RSU1: variants seen among roughly 807,000 people sequenced by gnomAD.
RSU1 encodes the protein Ras suppressor protein 1.
In RSU1, 26 loss-of-function variants were observed where a neutral mutation model predicts 31.1. The ratio of observed to expected loss-of-function variants is 0.84; its 90% CI spans 0.61 to 1.16. The LOEUF (loss-of-function observed/expected upper bound fraction) is 1.16, where lower values mean the gene tolerates loss of function less well. Ranked by LOEUF, RSU1 falls within the 50% of genes most tolerant of loss-of-function variation. The pLI, the probability that RSU1 is intolerant of heterozygous loss-of-function variation, is 0.00. For missense variants in RSU1, 320 were observed against 339.1 expected (o/e 0.94, Z 0.44); for synonymous variants, 164 against 136.3 (o/e 1.20, Z -1.41).
At chr10:16,809,419 T>C (rs568691748) in intron 2 of RSU1, among the ~76,000 whole-genome samples, 9 of 152,174 alleles carry the variant, frequency 5.9e-5, no homozygotes, top group Non-Finnish European at 8.8e-5. Flanking sequence ...CGAATGAAGG[T>C]GGAAGAACTG....
At chr10:16,666,677 A>C (rs750673149) in intron 8 of RSU1, among the ~76,000 whole-genome samples, 1 of 152,080 alleles carries the variant, frequency 6.6e-6, no homozygotes. Flanking sequence ...CAGCCACCTT[A>C]AACTCAGGGT....
At chr10:16,717,711 T>C (rs1168242703) in intron 7 of RSU1, among the ~76,000 whole-genome samples, 1 of 152,188 alleles carries the variant, frequency 6.6e-6, no homozygotes, top group African/African-American at 2.4e-5. Flanking sequence ...ACATAAACTG[T>C]TGTACTTCAA....
At chr10:16,637,967 C>T (rs1296221125) in intron 8 of RSU1, among the ~76,000 whole-genome samples, 1 of 151,940 alleles carries the variant, frequency 6.6e-6, no homozygotes, top group Non-Finnish European at 1.5e-5. Context: ...CCAAAAAGAC[C>T]AAAGGAGAAA....
At chr10:16,648,199 C>G (rs1274222445) in intron 8 of RSU1, among the ~76,000 whole-genome samples, 2 of 151,334 alleles carry the variant, frequency 1.3e-5, no homozygotes, top group Non-Finnish European at 2.9e-5. Context: ...CTCCTGGGCT[C>G]AAGCCATCCT....
At chr10:16,716,760 G>A (rs970584425) in intron 7 of RSU1, among the ~76,000 whole-genome samples, 3 of 152,108 alleles carry the variant, frequency 2.0e-5, no homozygotes, top group African/African-American at 7.2e-5. Context: ...GAAGTTTGGA[G>A]GGTATGAAGC....
chr10:16,722,567 GAGA>G (rs1431432114), intron 7 of RSU1, among the ~76,000 whole-genome samples: 1 of 152,132 alleles, frequency 6.6e-6, no homozygotes. Flanking sequence ...GGTATCAGGT[GAGA>G]GGTCTAGCTA....
chr10:16,801,738 GA>G (rs1020470259), intron 2 of RSU1, among the ~76,000 whole-genome samples: 1 of 151,858 alleles, frequency 6.6e-6, no homozygotes, highest in Non-Finnish European at 1.5e-5. Flanking sequence ...AAAGATAGCT[GA>G]AAAATCCCAA....
Position 16,602,073 on chromosome 10 carries a change from G to A in RSU1, c.732-8577C>T, listed in dbSNP as rs976783268. Among the ~76,000 whole-genome samples, 17 of 152,126 alleles carry A rather than the reference G, an allele frequency of 1.1e-4. 1 individual carries two copies. Among genetic ancestry groups the A allele is most frequent in the Admixed American group, 5.9e-4 (9 of 15,272 alleles). ...GTTTTTGTTGTTGTTGCTTATCTGT[G>A]TTATTACTGCCAGGAATGCCTGCTT... On this transcript the variant is annotated intron_variant, in intron 8 of 8. Coordinates refer to ENST00000345264, the MANE Select transcript of RSU1 (RefSeq NM_012425.4).
chr10:16,742,097 C>A (rs1285056581), intron 7 of RSU1, among the ~76,000 whole-genome samples: 3 of 152,028 alleles, frequency 2.0e-5, no homozygotes, highest in African/African-American at 7.2e-5. Context: ...ATATAAAAGG[C>A]AACAGAGAGT....
chr10:16,784,942 C>G (rs1262331473), intron 2 of RSU1, among the ~76,000 whole-genome samples: 2 of 152,066 alleles, frequency 1.3e-5, no homozygotes, highest in African/African-American at 2.4e-5. Flanking sequence ...GGAGGAGGTA[C>G]CACACACTCT....
intron 8 of RSU1, among the ~76,000 whole-genome samples, chr10:16,634,634 C>T (rs1834315064): frequency 6.6e-6 from 1 of 152,180 alleles, no homozygotes; most frequent in Non-Finnish European, 1.5e-5. Context: ...TGCTGCTCAA[C>T]TCCCATGGGA....
At chr10:16,608,740 A>G (rs1245800751) in intron 8 of RSU1, among the ~76,000 whole-genome samples, 1 of 151,862 alleles carries the variant, frequency 6.6e-6, no homozygotes, top group South Asian at 2.1e-4. Context: ...CACATTTTTG[A>G]GTTTTTTGGA....
At chr10:16,711,680 C>T (rs138645401) in intron 7 of RSU1, among the ~76,000 whole-genome samples, 248 of 152,256 alleles carry the variant, frequency 1.6e-3, no homozygotes, top group Non-Finnish European at 2.1e-3. Context: ...TTAATTTCCA[C>T]GTATTTCAAA....
chr10:16,652,058 C>G (rs1381409877), intron 8 of RSU1, among the ~76,000 whole-genome samples: 3 of 152,028 alleles, frequency 2.0e-5, no homozygotes, highest in African/African-American at 7.3e-5. Flanking sequence ...TATGTAAATT[C>G]TGAGTGGTGC....
intron 8 of RSU1, among the ~76,000 whole-genome samples, chr10:16,692,062 G>A (rs1202777669): frequency 6.6e-6 from 1 of 152,148 alleles, no homozygotes; most frequent in Non-Finnish European, 1.5e-5. Context: ...CCAGCCTACT[G>A]AAACTTTTTA....
At chr10:16,812,449 A>G (rs1838429190) in intron 2 of RSU1, among the ~76,000 whole-genome samples, 1 of 152,180 alleles carries the variant, frequency 6.6e-6, no homozygotes, top group African/African-American at 2.4e-5. Context: ...CTCAAAAACA[A>G]AAAACAAAAA....
chr10:16,734,409 T>C (rs1013728538), intron 7 of RSU1, among the ~76,000 whole-genome samples: 2 of 152,232 alleles, frequency 1.3e-5, no homozygotes, highest in Admixed American at 6.5e-5. Context: ...ATGACATCTA[T>C]ACCAGTCAGT....
chr10:16,710,860 C>T (rs937540586), intron 7 of RSU1, among the ~76,000 whole-genome samples: 16 of 152,074 alleles, frequency 1.1e-4, no homozygotes, highest in Non-Finnish European at 2.1e-4. Flanking sequence ...TGCTCCCCTC[C>T]GTGTGTCCAT....
rs532406231 is a variant in RSU1 at position 16,638,510 on chromosome 10, G to C, written c.732-45014C>G. 8.5e-4 allele frequency among the ~76,000 whole-genome samples: 130 copies of C among 152,330 alleles called. 1 individual carries two copies. The highest frequency in any genetic ancestry group is 2.8e-3 in the African/African-American group (116 of 41,584). On this transcript the variant is annotated intron_variant, in intron 8 of 8. Coordinates refer to ENST00000345264, the MANE Select transcript of RSU1 (RefSeq NM_012425.4). The stretch of plus-strand genomic sequence containing the variant: ...CTGCTGTAAAGTAGTCAATCACCGA[G>C]TGTTAGTTTCTTTGCTTCCGCACAA...
Sources: gnomAD v4.1 joint callset for allele counts (sites outside exome capture counted in the v4.1 genomes callset) on GRCh38, gnomAD v4.1.1 for gene constraint, MANE v1.5 for transcripts, NCBI Gene and HGNC (gene_info 2026-07-23, HGNC 2026-07-21) for gene names.